The following PTBP3 variants were observed in gnomAD, a reference collection of about 807,000 sequenced individuals.
PTBP3 encodes polypyrimidine tract binding protein 3.
PTBP3 carries 20 observed loss-of-function variants against 58.7 expected under a neutral mutation model. The ratio of observed to expected loss-of-function variants is 0.34; its 90% CI spans 0.24 to 0.50. The LOEUF (loss-of-function observed/expected upper bound fraction) is 0.50, where lower values mean the gene tolerates loss of function less well. PTBP3 is among the 20% of genes least tolerant of loss of function. The probability of loss-of-function intolerance (pLI) is 0.98; values close to 1 mark genes in which losing one functional copy is unlikely to be tolerated. For synonymous variants in PTBP3, 185 were observed against 219.8 expected, an observed-to-expected ratio of 0.84 and a Z score of 1.40; for missense variants, 509 against 637.2, an observed-to-expected ratio of 0.80 and a Z score of 2.17.
At chr9:112,284,452 T>A (rs968627064) in intron 2 of PTBP3, among the ~76,000 whole-genome samples, 2 of 152,162 alleles carry the variant, frequency 1.3e-5, no homozygotes, top group Non-Finnish European at 2.9e-5. Flanking sequence ...TCTCAGCACT[T>A]GGGGAAGCCG....
intron 8 of PTBP3, among the ~76,000 whole-genome samples, chr9:112,233,333 A>G (rs1835320102): frequency 6.6e-6 from 1 of 150,608 alleles, no homozygotes; most frequent in Non-Finnish European, 1.5e-5. Context: ...TATCAGCTTA[A>G]AAGTCTTATC....
chr9:112,229,222 C>T (rs10759536), intron 10 of PTBP3, among the ~76,000 whole-genome samples: 84,222 of 151,880 alleles, frequency 0.55, 24,956 homozygotes, highest in African/African-American at 0.79. Context: ...CAGTGTATTA[C>T]AATATATTTC....
At chr9:112,314,055 C>G (rs943140806) in intron 1 of PTBP3, among the ~76,000 whole-genome samples, 4 of 152,158 alleles carry the variant, frequency 2.6e-5, no homozygotes, top group Non-Finnish European at 5.9e-5. Context: ...TCTAAGTAAT[C>G]TAGAGGTGAT....
intron 1 of PTBP3, among the ~76,000 whole-genome samples, chr9:112,327,713 C>T (rs1018585588): frequency 6.6e-6 from 1 of 151,828 alleles, no homozygotes; most frequent in Non-Finnish European, 1.5e-5. Flanking sequence ...CCCTAAGCTG[C>T]CTGAAAAATG....
At chr9:112,354,698 G>C in the PTBP3 span, among the ~76,000 whole-genome samples, 9 of 152,294 alleles carry the variant, frequency 5.9e-5, no homozygotes, top group African/African-American at 1.9e-4. Flanking sequence ...CTTGATCTTG[G>C]TGTAGCAAAG....
chr9:112,275,353 T>C (rs1287116519), intron 3 of PTBP3, among the ~76,000 whole-genome samples: 1 of 152,166 alleles, frequency 6.6e-6, no homozygotes, highest in Non-Finnish European at 1.5e-5. Flanking sequence ...CAGGCTGATC[T>C]CGAACTCCTG....
chr9:112,289,541 G>A (rs540973755), intron 2 of PTBP3, among the ~76,000 whole-genome samples: 32 of 152,290 alleles, frequency 2.1e-4, no homozygotes, highest in Non-Finnish European at 3.1e-4. Context: ...AACACTTTGG[G>A]AGGCCAAGGC....
chr9:112,360,347 C>T, the PTBP3 span, among the ~76,000 whole-genome samples: 1 of 152,062 alleles, frequency 6.6e-6, no homozygotes, highest in Non-Finnish European at 1.5e-5. Context: ...CCACACCTGG[C>T]TTAATTTTTA....
intron 2 of PTBP3, among the ~76,000 whole-genome samples, chr9:112,278,675 G>A (rs1360340990): frequency 1.3e-5 from 2 of 152,158 alleles, no homozygotes; most frequent in East Asian, 1.9e-4. Context: ...GGTGTTAATT[G>A]TTCCGTATTA....
At chr9:112,290,620 C>T (rs1272835669) in intron 2 of PTBP3, among the ~76,000 whole-genome samples, 2 of 148,792 alleles carry the variant, frequency 1.3e-5, no homozygotes, top group South Asian at 2.1e-4. Flanking sequence ...TGCAGTGAGC[C>T]GAGACCACGC....
intron 1 of PTBP3, among the ~76,000 whole-genome samples, chr9:112,311,366 T>C (rs1036895926): frequency 7.2e-5 from 11 of 152,166 alleles, no homozygotes; most frequent in South Asian, 2.1e-4. Flanking sequence ...ACTATTTACA[T>C]AGCATTAAAT....
intron 2 of PTBP3, among the ~76,000 whole-genome samples, chr9:112,276,590 A>C (rs1827621150): frequency 6.6e-6 from 1 of 152,148 alleles, no homozygotes; most frequent in Admixed American, 6.5e-5. Flanking sequence ...AATAATTCTT[A>C]ACATTAAGTA....
Position 112,231,396 on chromosome 9 carries a change from C to G in PTBP3, c.1038G>C (p.Gly346=). 1 of 1,594,440 alleles carries G rather than the reference C, an allele frequency of 6.3e-7. No homozygotes were observed. Among genetic ancestry groups the G allele is most frequent in the South Asian group, 1.1e-5 (1 of 88,202 alleles). The part of the protein sequence containing the change: ...NLNPDLITPH[G]LFILFGVYGD... ...TGAACTTACCAAATAGGATAAAAAG[C>G]CCATGTGGTGTGATAAGCTGTAAAG... Residue 346 remains glycine (G), a synonymous_variant, in exon 10 of 14, where the codon GGG becomes GGC. Coordinates refer to ENST00000374257, the MANE Select transcript of PTBP3 (RefSeq NM_001163788.4).
chr9:112,262,446 C>G lies in PTBP3; in HGVS notation c.505G>C (p.Val169Leu). ...ENLFYPVTLE[V>L]LHQIFSKFGT... is the part of the protein sequence containing the mutation. ...TTATTCCTCCTTACCTGATGAAGAA[C>G]TTCCAGGGTAACAGGGTAAAAGAGG... The change falls in exon 5 of 14, where the codon GTT becomes CTT. Residue 169 changes from valine (V) to leucine (L), a missense_variant. By Grantham distance (32) the Val-to-Leu change is conservative (BLOSUM62 1). This residue lies in a region of PTBP3 where 212 missense variants were observed against 215.3 expected (regional missense o/e 0.98). Transcript: ENST00000374257. The G allele has an allele frequency of 6.3e-7, 1 of 1,598,962 alleles. No homozygotes were observed. The highest frequency in any genetic ancestry group is 1.1e-5 in the South Asian group (1 of 87,488).
the PTBP3 span, among the ~76,000 whole-genome samples, chr9:112,357,844 AG>A: frequency 6.6e-6 from 1 of 152,160 alleles, no homozygotes; most frequent in African/African-American, 2.4e-5. Flanking sequence ...TTGCCTCCAG[AG>A]GACATTTGGC....
chr9:112,312,420 C>G (rs146075317), intron 1 of PTBP3, among the ~76,000 whole-genome samples: 3 of 150,766 alleles, frequency 2.0e-5, no homozygotes, highest in African/African-American at 7.3e-5. Flanking sequence ...TCACTTGAGC[C>G]CAGGAGATCA....
intron 1 of PTBP3, among the ~76,000 whole-genome samples, chr9:112,302,473 T>C (rs980955430): frequency 6.6e-6 from 1 of 151,860 alleles, no homozygotes; most frequent in Non-Finnish European, 1.5e-5. Flanking sequence ...AAGCACTTTA[T>C]CTTAGAGACA....
chr9:112,347,428 C>T, the PTBP3 span, among the ~76,000 whole-genome samples: 1 of 150,548 alleles, frequency 6.6e-6, no homozygotes, highest in Non-Finnish European at 1.5e-5. Context: ...GCAGCCTTGA[C>T]CTCCCTGGGC....
At chr9:112,290,695 T>TACACACAC (rs1335488388) in intron 2 of PTBP3, among the ~76,000 whole-genome samples, 8 of 76,850 alleles carry the variant, frequency 1.0e-4, no homozygotes, top group Admixed American at 1.4e-4. Flanking sequence ...AAAATATATA[T>TACACACAC]ATATATATAT....
Sources: allele counts gnomAD v4.1 joint callset (sites outside exome capture counted in the v4.1 genomes callset), GRCh38; gene constraint gnomAD v4.1.1; regional missense constraint gnomAD v4.1.1; transcripts MANE v1.5; gene names NCBI Gene and HGNC (gene_info 2026-07-23, HGNC 2026-07-21).